The following ENTREP1 variants were observed in gnomAD, a reference collection of about 807,000 sequenced individuals.
The protein encoded by ENTREP1 is endosomal transmembrane epsin interactor 1, also known as Friedreich ataxia region gene X123.
chr9:69,359,405 C>T, the ENTREP1 span, among the ~76,000 whole-genome samples: 1 of 152,184 alleles, frequency 6.6e-6, no homozygotes, highest in Non-Finnish European at 1.5e-5. Context: ...CCCCACGTGT[C>T]AAGGGAGGGA....
At chr9:69,350,763 A>T in the ENTREP1 span, among the ~76,000 whole-genome samples, 1 of 152,006 alleles carries the variant, frequency 6.6e-6, no homozygotes, top group East Asian at 1.9e-4. Context: ...GTTCAAAATA[A>T]TTTTTCTTCC....
At chr9:69,358,585 A>G in the ENTREP1 span, among the ~76,000 whole-genome samples, 1 of 152,214 alleles carries the variant, frequency 6.6e-6, no homozygotes, top group Non-Finnish European at 1.5e-5. Context: ...GAAGACCAGT[A>G]ATATTTTCTT....
the ENTREP1 span, among the ~76,000 whole-genome samples, chr9:69,359,270 C>T: frequency 1.3e-5 from 2 of 152,198 alleles, no homozygotes; most frequent in Middle Eastern, 3.4e-3. Context: ...AGGCCAAACC[C>T]AGTTGGGAAG....
chr9:69,380,899 C>G, the ENTREP1 span: 1 of 152,564 alleles, frequency 6.6e-6, no homozygotes, highest in Non-Finnish European at 1.5e-5. Flanking sequence ...CAAACCCAAA[C>G]TCAAGTGGAG....
chr9:69,331,211 A>C, the ENTREP1 span, among the ~76,000 whole-genome samples: 9 of 152,232 alleles, frequency 5.9e-5, no homozygotes, highest in Admixed American at 5.9e-4. Context: ...CATTTACAAC[A>C]TGGCTTTTTA....
chr9:69,339,756 G>A, the ENTREP1 span, among the ~76,000 whole-genome samples: 1 of 152,130 alleles, frequency 6.6e-6, no homozygotes, highest in Non-Finnish European at 1.5e-5. Flanking sequence ...CTTCTGACTT[G>A]GGACTTTCAC....
At chr9:69,383,151 G>A in the ENTREP1 span, 1 of 981,778 alleles carries the variant, frequency 1.0e-6, no homozygotes, top group African/African-American at 1.8e-5. Flanking sequence ...TGAGTCCTTA[G>A]CTGTTTTTTA....
chr9:69,360,537 T>C, the ENTREP1 span, among the ~76,000 whole-genome samples: 1 of 152,144 alleles, frequency 6.6e-6, no homozygotes, highest in African/African-American at 2.4e-5. Context: ...CTTCATTTGC[T>C]TCATTTTTCT....
At chr9:69,333,065 A>G in the ENTREP1 span, among the ~76,000 whole-genome samples, 2 of 152,202 alleles carry the variant, frequency 1.3e-5, no homozygotes, top group Admixed American at 1.3e-4. Context: ...CAGGGAAAGT[A>G]TATCTTTTAT....
At chr9:69,337,946 A>T in the ENTREP1 span, among the ~76,000 whole-genome samples, 2 of 152,202 alleles carry the variant, frequency 1.3e-5, no homozygotes, top group Non-Finnish European at 2.9e-5. Context: ...AAAACTCCTT[A>T]AATTTTTAAA....
At chr9:69,374,423 G>A in the ENTREP1 span, among the ~76,000 whole-genome samples, 6 of 152,156 alleles carry the variant, frequency 3.9e-5, no homozygotes, top group South Asian at 1.2e-3. Flanking sequence ...AAAGTGGTTG[G>A]GGAAGTGAGT....
the ENTREP1 span, among the ~76,000 whole-genome samples, chr9:69,326,683 A>C: frequency 1.1e-4 from 17 of 152,318 alleles, no homozygotes; most frequent in South Asian, 3.5e-3. Flanking sequence ...TGACTATGGA[A>C]GATGAGCACA....
At chr9:69,341,075 C>T in the ENTREP1 span, among the ~76,000 whole-genome samples, 1 of 152,102 alleles carries the variant, frequency 6.6e-6, no homozygotes, top group Non-Finnish European at 1.5e-5. Flanking sequence ...TTTTTGGTGG[C>T]AGGTATTTTT....
the ENTREP1 span, chr9:69,382,890 C>A: frequency 3.1e-6 from 1 of 319,352 alleles, no homozygotes; most frequent in Non-Finnish European, 4.5e-6. Flanking sequence ...TTCTTTCATT[C>A]TTTGATACTC....
chr9:69,372,413 C>T, the ENTREP1 span, among the ~76,000 whole-genome samples: 3 of 152,280 alleles, frequency 2.0e-5, no homozygotes, highest in South Asian at 6.2e-4. Flanking sequence ...ATCCTAGGTA[C>T]CTCATACAAG....
At chr9:69,371,591 C>T in the ENTREP1 span, 52 of 1,612,254 alleles carry the variant, frequency 3.2e-5, no homozygotes, top group Admixed American at 3.3e-4. Flanking sequence ...TTGTGTCCAG[C>T]GTGCCCAGGT....
the ENTREP1 span, among the ~76,000 whole-genome samples, chr9:69,357,563 CT>C: frequency 2.0e-3 from 308 of 152,254 alleles, 2 homozygotes; most frequent in African/African-American, 7.2e-3. Flanking sequence ...GGTAATGTAT[CT>C]GCCAAACTTC....
chr9:69,360,445 A>G, the ENTREP1 span, among the ~76,000 whole-genome samples: 1 of 152,042 alleles, frequency 6.6e-6, no homozygotes, highest in South Asian at 2.1e-4. Context: ...TGTTTATTTT[A>G]TTTTGACTAT....
chr9:69,389,911 C>T, the ENTREP1 span, among the ~76,000 whole-genome samples: 2 of 152,230 alleles, frequency 1.3e-5, no homozygotes, highest in Non-Finnish European at 2.9e-5. Context: ...GGGCCATCTC[C>T]TGGGCCTTCC....
Sources: allele counts gnomAD v4.1 joint callset (sites outside exome capture counted in the v4.1 genomes callset), GRCh38; gene constraint gnomAD v4.1.1; transcripts MANE v1.5; gene names NCBI Gene and HGNC (gene_info 2026-07-23, HGNC 2026-07-21).